The following EPS15L1 variants were observed in gnomAD, a reference collection of about 807,000 sequenced individuals.
EPS15L1 encodes the protein epidermal growth factor receptor substrate 15-like 1.
Under a neutral mutation model 117.1 loss-of-function variants are expected in EPS15L1, and 43 were observed. The observed-to-expected ratio is 0.37, with a 90% CI of 0.29 to 0.47. The LOEUF (loss-of-function observed/expected upper bound fraction) is 0.47, where lower values mean the gene tolerates loss of function less well. EPS15L1 is among the 20% of genes least tolerant of loss of function. EPS15L1 has a pLI of 0.99. For missense variants in EPS15L1, 981 were observed against 1,164.0 expected, an observed-to-expected ratio of 0.84 and a Z score of 2.29; for synonymous variants, 459 against 470.5, an observed-to-expected ratio of 0.98 and a Z score of 0.32.
rs189663225 is a variant in EPS15L1, at chr19:16,399,780, C to T, written c.1791+2541G>A. The stretch of plus-strand genomic sequence containing the variant: ...CAAGCAATCCTCCCACCTCAGCCTC[C>T]CAAAGGACTGGGATTACAGGTGTGA... On this transcript the variant is annotated intron_variant, in intron 16 of 23. Transcript: ENST00000455140. Among the ~76,000 whole-genome samples the T allele has an allele frequency of 1.1e-4, 17 of 152,052 alleles. No homozygotes were observed. In the East Asian group the frequency reaches 3.3e-3, roughly 29 times the overall value.
intron 20 of EPS15L1, 72 bp downstream of exon 20, chr19:16,386,099 A>C (rs2092418240): frequency 2.6e-6 from 3 of 1,168,332 alleles, no homozygotes; most frequent in Non-Finnish European, 2.5e-6. Flanking sequence ...TGGGAGTGAA[A>C]GTGTTAACTG....
At chr19:16,361,712 C>CA in intron 23 of EPS15L1, 67 bp downstream of exon 23, 5 of 1,521,574 alleles carry the variant, frequency 3.3e-6, no homozygotes, top group Non-Finnish European at 4.4e-6. Context: ...TAAAAGGAGA[C>CA]AAAAATCCCA....
intron 3 of EPS15L1, 138 bp downstream of exon 3, chr19:16,441,754 C>G (rs918538093): frequency 1.1e-4 from 65 of 597,750 alleles, no homozygotes; most frequent in Non-Finnish European, 1.7e-4. Context: ...CAGCTGCAGC[C>G]TGAGAGGTCT....
chr19:16,386,094 G>T, intron 20 of EPS15L1, 77 bp downstream of exon 20: 3 of 1,122,580 alleles, frequency 2.7e-6, no homozygotes, highest in Non-Finnish European at 4.0e-6. Flanking sequence ...GGCTTTGGGA[G>T]TGAAAGTGTT....
In EPS15L1 at chr19:16,450,349, G is replaced by A. The variant is rs1272117652; in HGVS notation, c.34-8130C>T. Among the ~76,000 whole-genome samples, 4 of 151,346 alleles carry A rather than the reference G, an allele frequency of 2.6e-5. No homozygotes were observed. The East Asian group carries it at 5.8e-4, about 22-fold the overall frequency. ...CTGAATGTCTAAACTCTCAGGGGTG[G>A]TTCTATTGCTTCTCGGTTCCTCTCC... On this transcript the variant is annotated intron_variant, in intron 1 of 23. Transcript: ENST00000455140.
At chr19:16,461,086 A>G (rs1283752488) in intron 1 of EPS15L1, among the ~76,000 whole-genome samples, 2 of 150,324 alleles carry the variant, frequency 1.3e-5, no homozygotes, top group East Asian at 4.0e-4. Flanking sequence ...CGGGCGGATC[A>G]TGAGGTCAGG....
In EPS15L1 at chr19:16,405,015, T is replaced by C. The variant is rs1165745342; in HGVS notation, c.1267-266A>G. 6.6e-6 allele frequency among the ~76,000 whole-genome samples: 1 copy of C among 152,168 alleles called. No individual in the cohort carries two copies. The highest frequency in any genetic ancestry group is 1.9e-4 in the East Asian group (1 of 5,190). ...GGTGCGAGAGAAGGGGCTGGGTCCC[T>C]GTGAGAAAAAGGCCCCAGCTCCCGG... On this transcript the variant is annotated intron_variant, in intron 13 of 23. Coordinates refer to ENST00000455140, the MANE Select transcript of EPS15L1 (RefSeq NM_001258374.3). This position sits in a 1 kb window ranked among gnomAD's most constrained non-coding sequence, Gnocchi z 4.0.
At chr19:16,367,523 A>AC (rs1568390842) in intron 22 of EPS15L1, among the ~76,000 whole-genome samples, 1 of 149,538 alleles carries the variant, frequency 6.7e-6, no homozygotes, top group Non-Finnish European at 1.5e-5. Context: ...AAAAAAAAAA[A>AC]AAACTTGGTG....
In EPS15L1 at chr19:16,421,307, G is replaced by C; in HGVS notation, c.950+12C>G. 1 of 1,594,922 alleles carries C rather than the reference G, an allele frequency of 6.3e-7. No individual in the cohort carries two copies. The highest frequency in any genetic ancestry group is 8.6e-7 in the Non-Finnish European group (1 of 1,165,336). ...CCACCCACAGCCACAACTGCCACCT[G>C]TCCGGCCTTACCATATGTGTGCTAG... is the stretch of plus-strand genomic sequence containing the variant. On this transcript the variant is annotated intron_variant, in intron 10 of 23. Transcript: ENST00000455140.
intron 1 of EPS15L1, among the ~76,000 whole-genome samples, chr19:16,459,003 A>G (rs976338849): frequency 3.9e-5 from 6 of 152,232 alleles, no homozygotes; most frequent in Non-Finnish European, 7.3e-5. Context: ...GGTCTAGCCT[A>G]TTACTCCCAG....
chr19:16,458,279 G>A (rs936216686), intron 1 of EPS15L1, among the ~76,000 whole-genome samples: 5 of 152,076 alleles, frequency 3.3e-5, no homozygotes, highest in African/African-American at 7.2e-5. Flanking sequence ...GGCACCCCTC[G>A]AGGCTCCCGG....
intron 23 of EPS15L1, among the ~76,000 whole-genome samples, chr19:16,359,100 G>A (rs535771864): frequency 2.6e-5 from 4 of 152,278 alleles, no homozygotes; most frequent in Admixed American, 6.5e-5. Flanking sequence ...GGGTGACCTG[G>A]GCCCCCCTGA....
chr19:16,395,309 T>G (rs749541309), intron 17 of EPS15L1, 35 bp downstream of exon 17: 2 of 1,602,642 alleles, frequency 1.2e-6, no homozygotes, highest in Non-Finnish European at 1.7e-6. Flanking sequence ...AAACACACAG[T>G]CTTTCAATGA....
chr19:16,401,993 A>G (rs1299180039), intron 16 of EPS15L1: 20 of 1,086,026 alleles, frequency 1.8e-5, no homozygotes, highest in Non-Finnish European at 2.1e-5. Context: ...AAACTGATCC[A>G]ATTTTGGTTA....
At position 16,361,778 on chromosome 19, in the gene EPS15L1, C is replaced by G; in HGVS notation, c.2586+1G>C. ...GCCCGGAGGCGGAGGACTCAACTTA[C>G]AGAGGTGAAGTCTGCAAAGCCCGAG... On this transcript the variant is annotated splice_donor_variant, in intron 23 of 23. Transcript: ENST00000455140. LOFTEE classifies it high-confidence loss of function. 1 of 1,612,226 alleles carries G rather than the reference C, an allele frequency of 6.2e-7. No individual in the cohort carries two copies. The highest frequency in any genetic ancestry group is 8.5e-7 in the Non-Finnish European group (1 of 1,179,334).
In EPS15L1 at chr19:16,424,963, A is replaced by G. The variant is rs546701749; in HGVS notation, c.792+120T>C. 1,955 of 955,956 alleles carry G rather than the reference A, an allele frequency of 2.0e-3. 3 individuals are homozygous for G. Among genetic ancestry groups the G allele is most frequent in the Non-Finnish European group, 2.8e-3 (1,716 of 606,124 alleles). 59.2% of individuals were successfully genotyped at this position (955,956 alleles called of 1,614,324 possible). ...GGCGTGAGCCACCGCACCTGGCCAC[A>G]AGCATTTTTTAAAGACATTTCATCA... On this transcript the variant is annotated intron_variant, in intron 9 of 23. Coordinates refer to ENST00000455140, the MANE Select transcript of EPS15L1 (RefSeq NM_001258374.3).
chr19:16,446,354 A>AACTCTC (rs1414250881), intron 1 of EPS15L1, among the ~76,000 whole-genome samples: 2 of 152,130 alleles, frequency 1.3e-5, no homozygotes, highest in East Asian at 1.9e-4. Flanking sequence ...CTCCTGCCCA[A>AACTCTC]ACTCTCACTC....
intron 1 of EPS15L1, among the ~76,000 whole-genome samples, chr19:16,444,039 A>C (rs2093058034): frequency 7.0e-6 from 1 of 143,134 alleles, no homozygotes; most frequent in Non-Finnish European, 1.5e-5. Context: ...ACTCCAGCCC[A>C]GGCGACGGTG....
At chr19:16,459,209 G>T (rs1400246471) in intron 1 of EPS15L1, among the ~76,000 whole-genome samples, 1 of 152,190 alleles carries the variant, frequency 6.6e-6, no homozygotes, top group Non-Finnish European at 1.5e-5. Flanking sequence ...CCCTATGCTT[G>T]GGGCCGCTGC....
Sources: gnomAD v4.1 joint callset for allele counts (sites outside exome capture counted in the v4.1 genomes callset) on GRCh38, gnomAD v4.1.1 for gene constraint, Gnocchi (gnomAD v3.1) non-coding constraint, MANE v1.5 for transcripts, NCBI Gene and HGNC (gene_info 2026-07-23, HGNC 2026-07-21) for gene names.